URGCP: variants seen among roughly 807,000 people sequenced by gnomAD.
URGCP encodes the protein up-regulator of cell proliferation.
Under a neutral mutation model 24.6 loss-of-function variants are expected in URGCP, and 13 were observed. The ratio of observed to expected loss-of-function variants is 0.53; its 90% CI spans 0.34 to 0.84. The LOEUF (loss-of-function observed/expected upper bound fraction) is 0.84. URGCP is among the 40% of genes least tolerant of loss of function. The probability of loss-of-function intolerance (pLI) is 0.01; values close to 1 mark genes in which losing one functional copy is unlikely to be tolerated. For missense variants in URGCP, 899 were observed against 1,194.3 expected (o/e 0.75, Z 3.64); for synonymous variants, 444 against 487.2 (o/e 0.91, Z 1.17).
chr7:43,915,315 T>A (rs1036106141), intron 1 of URGCP, among the ~76,000 whole-genome samples: 1 of 152,014 alleles, frequency 6.6e-6, no homozygotes, highest in African/African-American at 2.4e-5. Flanking sequence ...ACCAAAAAAA[T>A]CTGTTTCCCT....
intron 3 of URGCP, among the ~76,000 whole-genome samples, chr7:43,886,708 G>A (rs914489730): frequency 5.9e-5 from 9 of 152,086 alleles, no homozygotes; most frequent in Non-Finnish European, 7.4e-5. Flanking sequence ...AGCTGAGATC[G>A]CGCCACTGCA....
rs1439522776 is a variant in URGCP, at chr7:43,905,560, A to ATCC, written c.14+1001_14+1002insGGA. ...TCAGGCCTCATCTGGAGGAGGCACG[A>ATCC]AATCCATGATCCCGGCCCCTTAGCA... is the stretch of plus-strand genomic sequence containing the variant. On this transcript the variant is annotated intron_variant, in intron 1 of 5. Transcript: ENST00000453200. 3.8e-4 allele frequency: 58 copies of ATCC among 152,372 alleles called. 1 individual carries two copies. Among genetic ancestry groups the ATCC allele is most frequent in the African/African-American group, 1.1e-3 (45 of 41,550 alleles). The allele number at this position is 152,372 out of a possible 1,614,324, so 9.4% of individuals were successfully genotyped here.
At chr7:43,925,632 T>C (rs146956340) in intron 1 of URGCP, among the ~76,000 whole-genome samples, 3,571 of 152,148 alleles carry the variant, frequency 0.023, 73 homozygotes, top group Middle Eastern at 0.14. Flanking sequence ...CTCAAGTAGC[T>C]GGGATTACAG....
At chr7:43,922,304 C>T (rs1455601954) in intron 1 of URGCP, among the ~76,000 whole-genome samples, 2 of 152,128 alleles carry the variant, frequency 1.3e-5, no homozygotes, top group Non-Finnish European at 2.9e-5. Flanking sequence ...TCAGGTGATC[C>T]ACCTGCCTTG....
chr7:43,896,157 A>C (rs1416949311), intron 1 of URGCP, among the ~76,000 whole-genome samples: 1 of 152,166 alleles, frequency 6.6e-6, no homozygotes, highest in Admixed American at 6.6e-5. Flanking sequence ...AATTGTGGTT[A>C]TTAGAGACTG....
chr7:43,881,419 GT>G lies in URGCP; in HGVS notation c.202+239del, dbSNP rs1169413011. On this transcript the variant is annotated intron_variant, in intron 5 of 5. Transcript: ENST00000453200. ...CTAACTTATTAAAGGCAGTGAGTAT[GT>G]TGGGTGGTGGAGGGGGGGCCTGGTT... The G allele has an allele frequency of 6.6e-6, 4 of 606,372 alleles. No homozygotes were observed. The African/African-American group carries it at 7.5e-5, about 11-fold the overall frequency. The allele number at this position is 606,372 out of a possible 1,614,324, so 37.6% of individuals were successfully genotyped here.
At chr7:43,926,495 C>G, upstream of URGCP, 17 of 1,488,126 alleles carry the variant, frequency 1.1e-5, no homozygotes, top group Non-Finnish European at 1.5e-5. Context: ...CTCAGGCAGC[C>G]CCGGCCGGGC....
intron 1 of URGCP, among the ~76,000 whole-genome samples, chr7:43,897,273 AAAC>A (rs2095880256): frequency 6.6e-6 from 1 of 152,360 alleles, no homozygotes; most frequent in Non-Finnish European, 1.5e-5. Context: ...GCTACAGAGA[AAAC>A]AAGGCACAGG....
intron 1 of URGCP, chr7:43,905,892 G>A (rs927670349): frequency 2.0e-5 from 3 of 152,170 alleles, no homozygotes; most frequent in Non-Finnish European, 4.4e-5. Flanking sequence ...CAAACTATAT[G>A]TGTCGCCATC....
intron 1 of URGCP, chr7:43,919,460 A>G: frequency 2.1e-6 from 2 of 975,266 alleles, no homozygotes; most frequent in Non-Finnish European, 3.3e-6. Flanking sequence ...ATGACCTCAT[A>G]GGCCTCATCG....
intron 5 of URGCP, 22 bp from the exon 6 acceptor site, chr7:43,879,282 TA>T (rs1313655212): frequency 1.3e-6 from 2 of 1,584,488 alleles, no homozygotes. Context: ...AATGAAGACA[TA>T]AGTGCTCACC....
intron 5 of URGCP, among the ~76,000 whole-genome samples, chr7:43,880,570 G>A (rs940380530): frequency 6.6e-6 from 1 of 152,122 alleles, no homozygotes; most frequent in African/African-American, 2.4e-5. Context: ...AGCTTCTGAG[G>A]AGCTGGGACT....
upstream of URGCP, among the ~76,000 whole-genome samples, chr7:43,908,698 C>T (rs532729098): frequency 2.1e-4 from 32 of 152,332 alleles, no homozygotes; most frequent in African/African-American, 7.2e-4. Context: ...CCCTAGTAAT[C>T]CTTTATTGCC....
intron 1 of URGCP, chr7:43,918,804 A>T: frequency 8.9e-7 from 1 of 1,119,704 alleles, no homozygotes; most frequent in South Asian, 1.2e-5. Context: ...CAAGGGCACC[A>T]TGGAGGAGTT....
At chr7:43,914,981 G>A (rs1246544746) in intron 1 of URGCP, among the ~76,000 whole-genome samples, 1 of 152,152 alleles carries the variant, frequency 6.6e-6, no homozygotes, top group Admixed American at 6.5e-5. Context: ...CTAACGGCCC[G>A]CATGCGCACT....
intron 1 of URGCP, among the ~76,000 whole-genome samples, chr7:43,912,090 T>C (rs373500679): frequency 8.5e-5 from 13 of 152,178 alleles, no homozygotes; most frequent in African/African-American, 3.1e-4. Flanking sequence ...TTAATGCCTA[T>C]ATTTAAAACA....
At chr7:43,903,122 TA>T (rs779117995) in intron 1 of URGCP, among the ~76,000 whole-genome samples, 233 of 129,846 alleles carry the variant, frequency 1.8e-3, no homozygotes, top group East Asian at 3.3e-3. Context: ...CCACTGCTAT[TA>T]AAAAAAAAAA....
chr7:43,916,082 CT>C (rs1296644650), intron 1 of URGCP, among the ~76,000 whole-genome samples: 1 of 152,172 alleles, frequency 6.6e-6, no homozygotes, highest in African/African-American at 2.4e-5. Context: ...CTCCGGGCAT[CT>C]TTTTCTTTTC....
At chr7:43,900,203 C>T (rs1451821872) in intron 1 of URGCP, among the ~76,000 whole-genome samples, 3 of 150,792 alleles carry the variant, frequency 2.0e-5, no homozygotes, top group Admixed American at 6.6e-5. Flanking sequence ...CCTGTAATTC[C>T]AGCACCTTGG....
Sources: gnomAD v4.1 joint callset for allele counts (sites outside exome capture counted in the v4.1 genomes callset) on GRCh38, gnomAD v4.1.1 for gene constraint, MANE v1.5 for transcripts, NCBI Gene and HGNC (gene_info 2026-07-23, HGNC 2026-07-21) for gene names.